SLC24A2: variants seen among roughly 807,000 people sequenced by gnomAD.
SLC24A2 encodes sodium/potassium/calcium exchanger 2.
A neutral mutation model predicts 62.0 loss-of-function variants in SLC24A2; 36 were observed. That is an observed-to-expected ratio of 0.58 (90% CI 0.44 to 0.77). SLC24A2 has a LOEUF of 0.77. Among genes scored for constraint, SLC24A2 ranks in the 30% least tolerant of loss-of-function variants. SLC24A2 has a pLI of 0.00. For missense variants in SLC24A2, 846 were observed against 817.9 expected (o/e 1.03, Z -0.42); for synonymous variants, 358 against 294.0 (o/e 1.22, Z -2.23).
intron 2 of SLC24A2, among the ~76,000 whole-genome samples, chr9:19,668,698 C>G (rs1819327339): frequency 6.6e-6 from 1 of 152,182 alleles, no homozygotes; most frequent in South Asian, 2.1e-4. Context: ...ATAGTTTCCT[C>G]TCCTGTGCAT....
the SLC24A2 span, among the ~76,000 whole-genome samples, chr9:20,138,353 G>T: frequency 1.3e-5 from 2 of 152,102 alleles, no homozygotes; most frequent in Non-Finnish European, 2.9e-5. Flanking sequence ...TCTCTACAAT[G>T]CAGTTTAAGA....
chr9:19,552,247 A>ATTCTC (rs1834881097), intron 7 of SLC24A2, among the ~76,000 whole-genome samples: 1 of 152,166 alleles, frequency 6.6e-6, no homozygotes, highest in Admixed American at 6.5e-5. Flanking sequence ...CCTTGTGGAT[A>ATTCTC]TAGCAGGTGT....
chr9:19,795,089 A>G, the SLC24A2 span, among the ~76,000 whole-genome samples: 1 of 152,196 alleles, frequency 6.6e-6, no homozygotes, highest in Non-Finnish European at 1.5e-5. Flanking sequence ...GTTTTATTCA[A>G]TTCATAAAAT....
At chr9:19,625,685 TC>T (rs1818015574) in intron 2 of SLC24A2, among the ~76,000 whole-genome samples, 3 of 95,278 alleles carry the variant, frequency 3.1e-5, no homozygotes, top group South Asian at 1.2e-3. Flanking sequence ...TCCTTTTTTT[TC>T]TTTTCTTTTT....
the SLC24A2 span, among the ~76,000 whole-genome samples, chr9:20,215,487 G>A: frequency 6.6e-6 from 1 of 152,022 alleles, no homozygotes; most frequent in African/African-American, 2.4e-5. Flanking sequence ...GAAAAAAAAA[G>A]TCTAGCTATA....
intron 7 of SLC24A2, among the ~76,000 whole-genome samples, chr9:19,567,689 C>CAAA (rs1491118019): frequency 1.7e-4 from 7 of 41,528 alleles, no homozygotes; most frequent in Admixed American, 3.4e-4. Flanking sequence ...TTTAAAATAA[C>CAAA]CAAAAAAAAA....
chr9:19,666,271 T>C (rs1819250658), intron 2 of SLC24A2, among the ~76,000 whole-genome samples: 1 of 151,954 alleles, frequency 6.6e-6, no homozygotes, highest in Non-Finnish European at 1.5e-5. Flanking sequence ...CCAGGCATGG[T>C]GGCATGCACT....
chr9:19,954,471 A>G, the SLC24A2 span, among the ~76,000 whole-genome samples: 3 of 152,102 alleles, frequency 2.0e-5, no homozygotes, highest in Non-Finnish European at 4.4e-5. Flanking sequence ...AGACATAAAC[A>G]TAGGCTATCC....
chr9:19,549,169 A>G (rs1210093902), intron 8 of SLC24A2, among the ~76,000 whole-genome samples: 1 of 152,228 alleles, frequency 6.6e-6, no homozygotes, highest in South Asian at 2.1e-4. Context: ...GATAGTAAAC[A>G]TAGTCGATTA....
chr9:20,070,837 C>A, the SLC24A2 span, among the ~76,000 whole-genome samples: 3 of 152,154 alleles, frequency 2.0e-5, no homozygotes, highest in Admixed American at 1.3e-4. Flanking sequence ...GGTGTCTGTA[C>A]AAATATTTGT....
intron 9 of SLC24A2, among the ~76,000 whole-genome samples, chr9:19,525,270 G>A (rs993542311): frequency 2.6e-5 from 4 of 151,534 alleles, no homozygotes; most frequent in Non-Finnish European, 4.4e-5. Context: ...AACATTTTCT[G>A]TGGATTTTGC....
chr9:20,222,504 A>T, the SLC24A2 span, among the ~76,000 whole-genome samples: 61 of 152,208 alleles, frequency 4.0e-4, no homozygotes, highest in African/African-American at 1.4e-3. Context: ...CAAATATCCA[A>T]CTAATTTTAT....
chr9:19,572,558 C>T (rs1835869407), intron 7 of SLC24A2, among the ~76,000 whole-genome samples: 1 of 152,160 alleles, frequency 6.6e-6, no homozygotes, highest in Non-Finnish European at 1.5e-5. Flanking sequence ...CATGGTAAGA[C>T]ATGCTTGCTT....
At chr9:19,977,779 G>A in the SLC24A2 span, among the ~76,000 whole-genome samples, 1 of 152,188 alleles carries the variant, frequency 6.6e-6, no homozygotes, top group Non-Finnish European at 1.5e-5. Context: ...TTAGAAAGAA[G>A]AGGGAGAGAC....
chr9:20,256,101 C>T, the SLC24A2 span, among the ~76,000 whole-genome samples: 1 of 152,192 alleles, frequency 6.6e-6, no homozygotes, highest in Non-Finnish European at 1.5e-5. Context: ...AAACCCATTC[C>T]TGTGATAACA....
chr9:19,787,749 T>G (rs1228798359), intron 1 of SLC24A2, among the ~76,000 whole-genome samples: 2 of 152,286 alleles, frequency 1.3e-5, no homozygotes, highest in South Asian at 2.1e-4. Context: ...AAAACAACCT[T>G]TAGTCATATT....
chr9:19,904,214 G>T, the SLC24A2 span, among the ~76,000 whole-genome samples: 1 of 152,212 alleles, frequency 6.6e-6, no homozygotes, highest in Non-Finnish European at 1.5e-5. Flanking sequence ...ATCAGAATCT[G>T]CACTCTGACA....
At chr9:20,211,371 G>C in the SLC24A2 span, among the ~76,000 whole-genome samples, 1 of 152,102 alleles carries the variant, frequency 6.6e-6, no homozygotes, top group East Asian at 1.9e-4. Context: ...AATTAGCTGG[G>C]TATGGTGGCA....
chr9:19,751,695 C>T (rs949206636), intron 2 of SLC24A2, among the ~76,000 whole-genome samples: 13 of 152,258 alleles, frequency 8.5e-5, no homozygotes, highest in Middle Eastern at 3.4e-3. Flanking sequence ...AAGCATGAGA[C>T]TTGTAGGTGA....
Sources: allele counts gnomAD v4.1 joint callset (sites outside exome capture counted in the v4.1 genomes callset), GRCh38; gene constraint gnomAD v4.1.1; transcripts MANE v1.5; gene names NCBI Gene and HGNC (gene_info 2026-07-23, HGNC 2026-07-21).